Variants in RNF125 observed in about 807,000 individuals in gnomAD.
The protein encoded by RNF125 is ring finger protein 125, also known as E3 ubiquitin-protein ligase RNF125.
In RNF125, 21 loss-of-function variants were observed where a neutral mutation model predicts 26.0. That is an observed-to-expected ratio of 0.81 (90% CI 0.57 to 1.16). The LOEUF (loss-of-function observed/expected upper bound fraction) is 1.16. Among genes scored for constraint, RNF125 ranks in the 50% most tolerant of loss-of-function variants. The pLI is 0.00. For missense variants in RNF125, 270 were observed against 299.4 expected, an observed-to-expected ratio of 0.90 and a Z score of 0.72; for synonymous variants, 95 against 109.2, an observed-to-expected ratio of 0.87 and a Z score of 0.81.
At chr18:32,023,559 T>A (rs1276258533) in intron 1 of RNF125, among the ~76,000 whole-genome samples, 3 of 152,186 alleles carry the variant, frequency 2.0e-5, no homozygotes, top group African/African-American at 4.8e-5. Flanking sequence ...CTTTTTAATG[T>A]CAATTTCAGT....
chr18:32,029,725 C>T (rs1400143250), intron 1 of RNF125, among the ~76,000 whole-genome samples: 3 of 152,128 alleles, frequency 2.0e-5, no homozygotes, highest in African/African-American at 7.2e-5. Context: ...AACCACTGGG[C>T]TTTAAGGCTG....
downstream of RNF125, among the ~76,000 whole-genome samples, chr18:32,074,759 T>G (rs1487430148): frequency 6.6e-6 from 1 of 152,164 alleles, no homozygotes; most frequent in Non-Finnish European, 1.5e-5. Context: ...GTCAGGCTGG[T>G]CTCGAACTCC....
downstream of RNF125, chr18:32,076,003 T>C (rs1321909442): frequency 6.3e-6 from 6 of 958,914 alleles, no homozygotes; most frequent in Admixed American, 1.0e-4. Context: ...TGGGAGCAGA[T>C]TATTCTGCCA....
At chr18:32,078,452 AAAT>A in the RNF125 span, among the ~76,000 whole-genome samples, 2 of 152,104 alleles carry the variant, frequency 1.3e-5, no homozygotes, top group African/African-American at 4.8e-5. Flanking sequence ...TATAGCTTAA[AAAT>A]AATAATAATA....
downstream of RNF125, among the ~76,000 whole-genome samples, chr18:32,075,563 C>T (rs987271200): frequency 4.6e-5 from 7 of 152,010 alleles, no homozygotes; most frequent in Admixed American, 2.0e-4. Flanking sequence ...CTTGGTGGTG[C>T]ATGCCTGTAA....
intron 1 of RNF125, among the ~76,000 whole-genome samples, chr18:32,031,718 G>T (rs2039098662): frequency 6.6e-6 from 1 of 152,058 alleles, no homozygotes; most frequent in African/African-American, 2.4e-5. Flanking sequence ...AGGTCAGATT[G>T]TACCTTAGAA....
intron 1 of RNF125, among the ~76,000 whole-genome samples, chr18:32,033,203 C>T (rs1224450723): frequency 6.6e-6 from 1 of 152,142 alleles, no homozygotes; most frequent in Non-Finnish European, 1.5e-5. Flanking sequence ...GAGAAGAGGA[C>T]ATAGGAACAA....
At chr18:32,036,005 T>C (rs1232173327) in intron 1 of RNF125, among the ~76,000 whole-genome samples, 1 of 151,704 alleles carries the variant, frequency 6.6e-6, no homozygotes, top group African/African-American at 2.4e-5. Flanking sequence ...ACACAAAAAA[T>C]TGGCCAGGCG....
At chr18:32,081,401 T>C in the RNF125 span, among the ~76,000 whole-genome samples, 1 of 152,124 alleles carries the variant, frequency 6.6e-6, no homozygotes, top group Non-Finnish European at 1.5e-5. Context: ...GTTTCAAAAA[T>C]GAAGTATTTA....
rs185988207 is a variant in RNF125, at chr18:32,038,753, C to T, written c.318+1484C>T. Among the ~76,000 whole-genome samples the T allele has an allele frequency of 7.2e-5, 11 of 152,128 alleles. No individual in the cohort carries two copies. In the East Asian group the frequency reaches 1.9e-3, roughly 27 times the overall value. On this transcript the variant is annotated intron_variant, in intron 2 of 5. Coordinates refer to ENST00000217740, the MANE Select transcript of RNF125 (RefSeq NM_017831.4). ...AGAGTAAGTTTTGGAGTGCCAAGAT[C>T]GGGCTTATATCTTTATTTTTATTTT... is the stretch of plus-strand genomic sequence containing the variant.
Position 32,067,240 on chromosome 18 carries a change from G to A in RNF125, c.613-1058G>A, listed in dbSNP as rs555433617. Among the ~76,000 whole-genome samples, 9 of 152,286 alleles carry A rather than the reference G, an allele frequency of 5.9e-5. No homozygotes were observed. In the South Asian group the frequency reaches 1.9e-3, roughly 32 times the overall value. On this transcript the variant is annotated intron_variant, in intron 5 of 5. Transcript: ENST00000217740. Reference sequence around the variant, plus strand: ...TGCACTCCAGCCTGGGTGACAGAGCGAGACTCCGTCTCAAGAGGTTTCTCT... The same window carrying A: ...TGCACTCCAGCCTGGGTGACAGAGCAAGACTCCGTCTCAAGAGGTTTCTCT...
chr18:32,067,362 G>T (rs1278496658), intron 5 of RNF125, among the ~76,000 whole-genome samples: 1 of 152,204 alleles, frequency 6.6e-6, no homozygotes, highest in Non-Finnish European at 1.5e-5. Context: ...TTCAGACAAA[G>T]CATGATCCAG....
At chr18:32,048,709 C>G (rs1214823508) in intron 4 of RNF125, among the ~76,000 whole-genome samples, 1 of 151,954 alleles carries the variant, frequency 6.6e-6, no homozygotes, top group Non-Finnish European at 1.5e-5. Flanking sequence ...ATCTTAATGG[C>G]CTAGGGAGTT....
At chr18:32,080,388 T>TTACTAATG in the RNF125 span, among the ~76,000 whole-genome samples, 2 of 152,202 alleles carry the variant, frequency 1.3e-5, no homozygotes, top group Non-Finnish European at 2.9e-5. Flanking sequence ...TGAAACACTC[T>TTACTAATG]TACTAATGTA....
At chr18:32,079,935 G>C in the RNF125 span, among the ~76,000 whole-genome samples, 2 of 152,234 alleles carry the variant, frequency 1.3e-5, no homozygotes, top group African/African-American at 4.8e-5. Flanking sequence ...ATCTGCTACA[G>C]AGTCAACCTA....
Position 32,063,696 on chromosome 18 carries a change from A to C in RNF125, c.505-2206A>C, listed in dbSNP as rs901664892. Among the ~76,000 whole-genome samples, 3 of 152,326 alleles carry C rather than the reference A, an allele frequency of 2.0e-5. No individual in the cohort carries two copies. In the East Asian group the frequency reaches 5.8e-4, roughly 29 times the overall value. On this transcript the variant is annotated intron_variant, in intron 4 of 5. Coordinates refer to ENST00000217740, the MANE Select transcript of RNF125 (RefSeq NM_017831.4). ...CAAATGCCCTTTACAAAATAAATGG[A>C]TAAGCAGACTGTGGGACATCCATAC...
At chr18:32,039,294 G>A (rs9964819) in intron 2 of RNF125, among the ~76,000 whole-genome samples, 8,937 of 151,884 alleles carry the variant, frequency 0.059, 891 homozygotes, top group African/African-American at 0.2. Context: ...ATACTCCAGA[G>A]GCTGAGTAGG....
At chr18:32,051,935 G>A (rs1461295928) in intron 4 of RNF125, among the ~76,000 whole-genome samples, 3 of 151,280 alleles carry the variant, frequency 2.0e-5, no homozygotes, top group Non-Finnish European at 2.9e-5. Flanking sequence ...TGATCTGCCC[G>A]CCTCAGCCTC....
At chr18:32,062,080 A>C (rs1214680764) in intron 4 of RNF125, among the ~76,000 whole-genome samples, 1 of 152,242 alleles carries the variant, frequency 6.6e-6, no homozygotes, top group Non-Finnish European at 1.5e-5. Context: ...TACCTGGCAC[A>C]CTGAAGACAT....
Sources: allele counts gnomAD v4.1 joint callset (sites outside exome capture counted in the v4.1 genomes callset), GRCh38; gene constraint gnomAD v4.1.1; transcripts MANE v1.5; gene names NCBI Gene and HGNC (gene_info 2026-07-23, HGNC 2026-07-21).